The following BRINP3 variants were observed in gnomAD, a reference collection of about 807,000 sequenced individuals.
BRINP3 encodes BMP/retinoic acid inducible neural specific 3.
In BRINP3, 19 loss-of-function variants were observed where a neutral mutation model predicts 71.0. The observed-to-expected ratio is 0.27, with a 90% CI of 0.19 to 0.39. The LOEUF (loss-of-function observed/expected upper bound fraction) is 0.39, where lower values mean the gene tolerates loss of function less well. Ranked by LOEUF, BRINP3 falls within the 10% of genes least tolerant of loss-of-function variation. BRINP3 has a pLI of 1.00. For synonymous variants in BRINP3, 380 were observed against 337.7 expected, an observed-to-expected ratio of 1.13 and a Z score of -1.37; for missense variants, 959 against 940.8, an observed-to-expected ratio of 1.02 and a Z score of -0.25.
At chr1:190,154,542 A>G (rs1656698162) in intron 7 of BRINP3, among the ~76,000 whole-genome samples, 1 of 152,182 alleles carries the variant, frequency 6.6e-6, no homozygotes, top group Non-Finnish European at 1.5e-5. Context: ...ACTACTGCTG[A>G]AGGCTTACTA....
At chr1:190,452,052 C>T (rs987613360) in intron 2 of BRINP3, among the ~76,000 whole-genome samples, 1 of 152,162 alleles carries the variant, frequency 6.6e-6, no homozygotes, top group African/African-American at 2.4e-5. Context: ...TAGGAAATTA[C>T]AATCTTTAAA....
At chr1:190,398,304 T>G (rs1671709818) in intron 2 of BRINP3, among the ~76,000 whole-genome samples, 1 of 151,976 alleles carries the variant, frequency 6.6e-6, no homozygotes, top group African/African-American at 2.4e-5. Context: ...TTTAAAACCT[T>G]CTCTGATAAT....
At chr1:190,472,830 C>T (rs1416617924) in intron 1 of BRINP3, among the ~76,000 whole-genome samples, 1 of 151,450 alleles carries the variant, frequency 6.6e-6, no homozygotes, top group African/African-American at 2.4e-5. Flanking sequence ...CACACACACA[C>T]ACACACACTT....
In BRINP3 at chr1:190,243,687, C is replaced by T. The variant is rs185050762; in HGVS notation, c.619-9210G>A. 1.9e-3 allele frequency among the ~76,000 whole-genome samples: 284 copies of T among 152,194 alleles called. 1 individual carries two copies. Among genetic ancestry groups the T allele is most frequent in the African/African-American group, 6.2e-3 (258 of 41,560 alleles). ...GTTCAGGGCTGTGGCATTTCCCTTG[C>T]ACTCTGGTGAGAGTTACTAGGCAGC... On this transcript the variant is annotated intron_variant, in intron 4 of 7. Transcript: ENST00000367462.
At chr1:190,374,849 T>A (rs2102212624) in intron 2 of BRINP3, among the ~76,000 whole-genome samples, 1 of 152,042 alleles carries the variant, frequency 6.6e-6, no homozygotes, top group Non-Finnish European at 1.5e-5. Flanking sequence ...CTTAAAGCTG[T>A]CATGAACAGG....
chr1:190,449,379 A>T (rs549586599), intron 2 of BRINP3, among the ~76,000 whole-genome samples: 11 of 151,980 alleles, frequency 7.2e-5, no homozygotes, highest in African/African-American at 2.7e-4. Flanking sequence ...GTGTATGTGT[A>T]TATCAGGGAA....
intron 2 of BRINP3, among the ~76,000 whole-genome samples, chr1:190,299,672 G>A (rs2102991654): frequency 6.8e-6 from 1 of 146,950 alleles, no homozygotes; most frequent in Admixed American, 7.1e-5. Context: ...CTATGAGTGA[G>A]AATATGCCAC....
intron 6 of BRINP3, among the ~76,000 whole-genome samples, chr1:190,179,698 G>T (rs1162834507): frequency 6.6e-6 from 1 of 152,128 alleles, no homozygotes; most frequent in African/African-American, 2.4e-5. Context: ...CATATAAAGT[G>T]AATAGTCTTT....
At chr1:190,470,794 A>C (rs1677086270) in intron 1 of BRINP3, among the ~76,000 whole-genome samples, 1 of 151,152 alleles carries the variant, frequency 6.6e-6, no homozygotes, top group African/African-American at 2.4e-5. Context: ...ACATCAAGTA[A>C]TCCAATCGAC....
At chr1:190,213,400 T>C (rs1433920588) in intron 6 of BRINP3, among the ~76,000 whole-genome samples, 1 of 152,084 alleles carries the variant, frequency 6.6e-6, no homozygotes, top group Non-Finnish European at 1.5e-5. Context: ...GGTGTGCTTC[T>C]GTGGAATTAC....
intron 2 of BRINP3, among the ~76,000 whole-genome samples, chr1:190,316,409 C>A (rs955206337): frequency 6.6e-6 from 1 of 152,046 alleles, no homozygotes; most frequent in East Asian, 1.9e-4. Flanking sequence ...TACAGATGCT[C>A]TTCTCTCAAT....
chr1:190,458,538 ATT>A (rs762086681), intron 1 of BRINP3, among the ~76,000 whole-genome samples: 6 of 151,980 alleles, frequency 3.9e-5, no homozygotes, highest in Non-Finnish European at 8.8e-5. Context: ...TTTAATTCAT[ATT>A]TTCATGAGTA....
rs773365738 is a variant in BRINP3, at chr1:190,098,644, A to G, written c.1675T>C (p.Leu559=). 1 of 1,614,150 alleles carries G rather than the reference A, an allele frequency of 6.2e-7. No homozygotes were observed. Among genetic ancestry groups the G allele is most frequent in the South Asian group, 1.1e-5 (1 of 91,084 alleles). Residue 559 remains leucine, a synonymous_variant, in exon 8 of 8, where the codon TTA becomes CTA. Transcript: ENST00000367462. ...GGCTCCAAGGTGCTGTTTTTAGTTAAGCAAATCTGTAAAGAGAGACCCAAA... is the reference window on the plus strand; with the variant it reads ...GGCTCCAAGGTGCTGTTTTTAGTTAGGCAAATCTGTAAAGAGAGACCCAAA... The part of the protein sequence containing the change: ...MILGLSLQIC[L]TKNSTLEPVL...
intron 6 of BRINP3, among the ~76,000 whole-genome samples, chr1:190,183,075 A>T (rs1159560925): frequency 2.6e-5 from 4 of 152,084 alleles, no homozygotes; most frequent in Non-Finnish European, 5.9e-5. Flanking sequence ...GTTACCTGTG[A>T]CTTAGCAATC....
Position 190,234,363 on chromosome 1 carries a change from C to A in BRINP3, c.724+9G>T, listed in dbSNP as rs199607927. 6.3e-7 allele frequency: 1 copy of A among 1,591,368 alleles called. No homozygotes were observed. Among genetic ancestry groups the A allele is most frequent in the Non-Finnish European group, 8.6e-7 (1 of 1,163,188 alleles). On this transcript the variant is annotated intron_variant, in intron 5 of 7. Coordinates refer to ENST00000367462, the MANE Select transcript of BRINP3 (RefSeq NM_199051.3). ...CTTGTAGAGAATTAATGAAATTTTACCAACATACCTTGCAACTGAATCTTA... is the reference window on the plus strand; with the variant it reads ...CTTGTAGAGAATTAATGAAATTTTAACAACATACCTTGCAACTGAATCTTA...
chr1:190,184,776 C>T (rs1027565043), intron 6 of BRINP3, among the ~76,000 whole-genome samples: 1 of 152,062 alleles, frequency 6.6e-6, no homozygotes, highest in Non-Finnish European at 1.5e-5. Flanking sequence ...TGGAAAACTA[C>T]CTATCATATA....
chr1:190,321,106 G>A (rs1666209514), intron 2 of BRINP3, among the ~76,000 whole-genome samples: 1 of 151,930 alleles, frequency 6.6e-6, no homozygotes, highest in Non-Finnish European at 1.5e-5. Flanking sequence ...ATGCTGTATA[G>A]GGGCAGGGCC....
intron 4 of BRINP3, among the ~76,000 whole-genome samples, chr1:190,235,331 G>C (rs1658411558): frequency 6.6e-6 from 1 of 151,960 alleles, no homozygotes; most frequent in African/African-American, 2.4e-5. Flanking sequence ...AATTTTATGA[G>C]GCTGAAAATG....
rs374570890 is a variant in BRINP3 at position 190,282,675 on chromosome 1, C to A, written c.237-925G>T. 2.5e-4 allele frequency among the ~76,000 whole-genome samples: 38 copies of A among 152,066 alleles called. 1 individual carries two copies. Among genetic ancestry groups the A allele is most frequent in the African/African-American group, 8.9e-4 (37 of 41,510 alleles). On this transcript the variant is annotated intron_variant, in intron 2 of 7. Coordinates refer to ENST00000367462, the MANE Select transcript of BRINP3 (RefSeq NM_199051.3). ...AAAAATGCTTGCTATGTGCCAGGAT[C>A]AGTGCATGATAAGAGATTCATCTAC...
Sources: allele counts gnomAD v4.1 joint callset (sites outside exome capture counted in the v4.1 genomes callset), GRCh38; gene constraint gnomAD v4.1.1; transcripts MANE v1.5; gene names NCBI Gene and HGNC (gene_info 2026-07-23, HGNC 2026-07-21).